RBMS3: variants seen among roughly 807,000 people sequenced by gnomAD.
The protein encoded by RBMS3 is RNA-binding motif, single-stranded-interacting protein 3.
In RBMS3, 27 loss-of-function variants were observed where a neutral mutation model predicts 66.8. The ratio of observed to expected loss-of-function variants is 0.40; its 90% CI spans 0.30 to 0.56. The LOEUF (loss-of-function observed/expected upper bound fraction) is 0.56. Ranked by LOEUF, RBMS3 falls within the 20% of genes least tolerant of loss-of-function variation. The pLI, the probability that RBMS3 is intolerant of heterozygous loss-of-function variation, is 0.40. For synonymous variants in RBMS3, 188 were observed against 183.0 expected (o/e 1.03, Z -0.22); for missense variants, 513 against 549.5 (o/e 0.93, Z 0.66).
chr3:29,716,921 G>A (rs1042976597), intron 4 of RBMS3, among the ~76,000 whole-genome samples: 9 of 151,974 alleles, frequency 5.9e-5, no homozygotes, highest in Non-Finnish European at 1.0e-4. Flanking sequence ...ACATGCATAC[G>A]TATTACACAT....
chr3:29,945,353 C>T (rs139791382), intron 12 of RBMS3, among the ~76,000 whole-genome samples: 182 of 151,724 alleles, frequency 1.2e-3, no homozygotes, highest in African/African-American at 3.8e-3. Flanking sequence ...TAGTTATGTT[C>T]CTGGCTGAAT....
chr3:29,369,078 A>G (rs111486237), intron 1 of RBMS3, among the ~76,000 whole-genome samples: 11,876 of 152,130 alleles, frequency 0.078, 608 homozygotes, highest in Non-Finnish European at 0.11. Flanking sequence ...GCCAAATACC[A>G]TATGTTCTCA....
chr3:29,855,951 T>A (rs144282488), intron 6 of RBMS3, among the ~76,000 whole-genome samples: 119 of 152,170 alleles, frequency 7.8e-4, no homozygotes, highest in Middle Eastern at 3.4e-3. Flanking sequence ...CGAGAGACAT[T>A]TAAATTGTTA....
At chr3:29,874,993 G>A (rs147024860) in intron 7 of RBMS3, among the ~76,000 whole-genome samples, 9 of 152,248 alleles carry the variant, frequency 5.9e-5, no homozygotes, top group East Asian at 3.9e-4. Flanking sequence ...TTCTTAGGGC[G>A]GGGTTGGCAG....
chr3:29,438,666 G>A (rs1005161138), intron 2 of RBMS3, among the ~76,000 whole-genome samples: 1 of 152,192 alleles, frequency 6.6e-6, no homozygotes, highest in Non-Finnish European at 1.5e-5. Context: ...ACTGTGCGTA[G>A]CGTAGAAAAT....
At chr3:29,333,527 G>A in intron 1 of RBMS3, among the ~76,000 whole-genome samples, 1 of 152,120 alleles carries the variant, frequency 6.6e-6, no homozygotes, top group East Asian at 1.9e-4. Flanking sequence ...GAACAAAACT[G>A]CTTTCAACCT....
At position 29,719,233 on chromosome 3, in the gene RBMS3, T is replaced by C. The variant is rs185996785; in HGVS notation, c.400-20487T>C. On this transcript the variant is annotated intron_variant, in intron 4 of 14. Coordinates refer to ENST00000383767, the MANE Select transcript of RBMS3 (RefSeq NM_001003793.3). Reference sequence around the variant, plus strand: ...AACAACGTGAAAGAAACTTGTACGCTGTGAAAATGTTCCTTATAAAAGTCT... The same window carrying C: ...AACAACGTGAAAGAAACTTGTACGCCGTGAAAATGTTCCTTATAAAAGTCT... 1.8e-4 allele frequency among the ~76,000 whole-genome samples: 28 copies of C among 152,308 alleles called. No individual in the cohort carries two copies. The East Asian group carries it at 5.0e-3, about 27-fold the overall frequency.
At chr3:29,991,400 CAGGA>C in intron 14 of RBMS3, 191 bp downstream of exon 14, 3 of 844,030 alleles carry the variant, frequency 3.6e-6, no homozygotes, top group Non-Finnish European at 5.3e-6. Context: ...CTGATCTTGA[CAGGA>C]ATCAAACATC....
At chr3:29,382,653 A>G (rs867994232) in intron 1 of RBMS3, among the ~76,000 whole-genome samples, 4 of 152,196 alleles carry the variant, frequency 2.6e-5, no homozygotes, top group South Asian at 4.1e-4. Flanking sequence ...TTGAAGAAGC[A>G]ATACCAAAAT....
chr3:29,387,869 C>T (rs2039082264), intron 1 of RBMS3, among the ~76,000 whole-genome samples: 1 of 152,196 alleles, frequency 6.6e-6, no homozygotes, highest in South Asian at 2.1e-4. Context: ...AATATCCACA[C>T]AACCTTGCTT....
At chr3:29,940,308 T>C (rs1004764005) in intron 11 of RBMS3, among the ~76,000 whole-genome samples, 4 of 151,870 alleles carry the variant, frequency 2.6e-5, no homozygotes, top group Non-Finnish European at 4.4e-5. Flanking sequence ...AACTGAAACA[T>C]TTCAGAGGAT....
At chr3:29,640,264 ACACACACACACACACACACACC>A (rs988151859) in intron 4 of RBMS3, among the ~76,000 whole-genome samples, 5 of 149,852 alleles carry the variant, frequency 3.3e-5, no homozygotes, top group East Asian at 2.2e-4. Context: ...TTACACACAC[ACACACACACACACACACACACC>A]CACACACACA....
intron 3 of RBMS3, among the ~76,000 whole-genome samples, chr3:29,529,165 A>G (rs2045253757): frequency 6.6e-6 from 1 of 152,226 alleles, no homozygotes; most frequent in African/African-American, 2.4e-5. Context: ...AAATGAGTAT[A>G]AAAAATGTGA....
At chr3:29,820,053 G>T (rs1303504399) in intron 6 of RBMS3, among the ~76,000 whole-genome samples, 1 of 151,622 alleles carries the variant, frequency 6.6e-6, no homozygotes, top group Middle Eastern at 3.2e-3. Flanking sequence ...AAATTAGCTG[G>T]GTGTGGTGGT....
chr3:29,525,914 A>G (rs2045075654), intron 3 of RBMS3, among the ~76,000 whole-genome samples: 1 of 152,024 alleles, frequency 6.6e-6, no homozygotes, highest in Non-Finnish European at 1.5e-5. Flanking sequence ...TTTTCCAGCG[A>G]TTTTCTGCCT....
intron 1 of RBMS3, among the ~76,000 whole-genome samples, chr3:29,294,688 TG>T (rs1452865001): frequency 6.6e-6 from 1 of 151,736 alleles, no homozygotes; most frequent in Non-Finnish European, 1.5e-5. Flanking sequence ...CTTCCTTTTA[TG>T]GGTTGGCAGA....
At chr3:29,865,076 G>A (rs1343646067) in intron 6 of RBMS3, among the ~76,000 whole-genome samples, 1 of 137,766 alleles carries the variant, frequency 7.3e-6, no homozygotes. Context: ...GAGAGACGAA[G>A]GAAGGAAGAA....
chr3:29,905,773 CTT>C (rs1256394421), intron 10 of RBMS3, among the ~76,000 whole-genome samples: 4 of 151,964 alleles, frequency 2.6e-5, no homozygotes, highest in African/African-American at 9.7e-5. Flanking sequence ...ATAAATAAGT[CTT>C]ATAATATTTT....
At chr3:29,635,110 C>T (rs1479533748) in intron 4 of RBMS3, among the ~76,000 whole-genome samples, 1 of 151,926 alleles carries the variant, frequency 6.6e-6, no homozygotes, top group African/African-American at 2.4e-5. Context: ...TCTGCATTCA[C>T]TACCTTAGTA....
Sources: allele counts gnomAD v4.1 joint callset (sites outside exome capture counted in the v4.1 genomes callset), GRCh38; gene constraint gnomAD v4.1.1; transcripts MANE v1.5; gene names NCBI Gene and HGNC (gene_info 2026-07-23, HGNC 2026-07-21).